Variants in AUTS2 observed in about 807,000 individuals in gnomAD.
The protein encoded by AUTS2 is activator of transcription and developmental regulator AUTS2, also known as autism susceptibility gene 2 protein.
A neutral mutation model predicts 112.4 loss-of-function variants in AUTS2; 17 were observed. The observed-to-expected ratio is 0.15, with a 90% CI of 0.10 to 0.23. AUTS2 has a LOEUF of 0.23. Among genes scored for constraint, AUTS2 ranks in the 10% least tolerant of loss-of-function variants. The probability of loss-of-function intolerance (pLI) is 1.00; values close to 1 mark genes in which losing one functional copy is unlikely to be tolerated. For missense variants in AUTS2, 1,510 were observed against 1,701.6 expected, an observed-to-expected ratio of 0.89 and a Z score of 1.98; for synonymous variants, 751 against 702.7, an observed-to-expected ratio of 1.07 and a Z score of -1.09.
chr7:70,751,374 A>G (rs1031649932), intron 6 of AUTS2, among the ~76,000 whole-genome samples: 1 of 152,218 alleles, frequency 6.6e-6, no homozygotes, highest in African/African-American at 2.4e-5. Flanking sequence ...TCTTTATTTT[A>G]TTCAACTTAA....
intron 2 of AUTS2, among the ~76,000 whole-genome samples, chr7:69,982,948 A>G (rs1798356688): frequency 2.0e-5 from 3 of 152,206 alleles, no homozygotes; most frequent in African/African-American, 7.2e-5. Flanking sequence ...AGAGCCATTT[A>G]GTTCAATCCC....
At chr7:70,422,340 G>C (rs1238217760) in intron 4 of AUTS2, among the ~76,000 whole-genome samples, 1 of 152,204 alleles carries the variant, frequency 6.6e-6, no homozygotes, top group Non-Finnish European at 1.5e-5. Context: ...AGTTGCTCTA[G>C]TTGGCTTGAA....
rs1320795084 is a variant in AUTS2 at position 70,355,915 on chromosome 7, G to A, written c.661-79837G>A. Among the ~76,000 whole-genome samples, 3 of 152,062 alleles carry A rather than the reference G, an allele frequency of 2.0e-5. No homozygotes were observed. The East Asian group carries it at 5.8e-4, about 29-fold the overall frequency. The stretch of plus-strand genomic sequence containing the variant: ...ATCTGTACAAAGGTTCCTTGTAATC[G>A]GGCTTTCTGCCTTCATTTGTCTTCT... On this transcript the variant is annotated intron_variant, in intron 4 of 18. Transcript: ENST00000342771.
chr7:69,773,273 C>G (rs780807037), intron 1 of AUTS2, among the ~76,000 whole-genome samples: 2 of 152,096 alleles, frequency 1.3e-5, no homozygotes, highest in Non-Finnish European at 2.9e-5. Flanking sequence ...AATCCCAGCA[C>G]TGTGGGAGGC....
At chr7:70,370,686 G>T (rs183474713) in intron 4 of AUTS2, among the ~76,000 whole-genome samples, 174 of 152,150 alleles carry the variant, frequency 1.1e-3, no homozygotes, top group African/African-American at 3.9e-3. Context: ...ATTTCTCTTA[G>T]ACATATACAC....
intron 2 of AUTS2, among the ~76,000 whole-genome samples, chr7:70,030,260 G>A (rs1379755525): frequency 6.6e-6 from 1 of 152,176 alleles, no homozygotes; most frequent in African/African-American, 2.4e-5. Context: ...TACAATGAAT[G>A]TGATACAGCA....
At chr7:70,373,153 G>C (rs904187247) in intron 4 of AUTS2, among the ~76,000 whole-genome samples, 15 of 151,974 alleles carry the variant, frequency 9.9e-5, no homozygotes, top group South Asian at 4.2e-4. Flanking sequence ...GAGAAACCAG[G>C]GGGGAGTGGG....
At chr7:70,168,198 C>T (rs369489747) in intron 4 of AUTS2, among the ~76,000 whole-genome samples, 5 of 152,150 alleles carry the variant, frequency 3.3e-5, no homozygotes, top group African/African-American at 1.2e-4. Flanking sequence ...TAATTGAACT[C>T]GTTGATCTTC....
At chr7:70,564,884 G>C (rs906944197) in intron 5 of AUTS2, among the ~76,000 whole-genome samples, 1 of 152,150 alleles carries the variant, frequency 6.6e-6, no homozygotes, top group Non-Finnish European at 1.5e-5. Context: ...TGGATCACAA[G>C]GTCAGGAGTT....
At chr7:70,540,074 C>A (rs1333359508) in intron 5 of AUTS2, among the ~76,000 whole-genome samples, 1 of 152,132 alleles carries the variant, frequency 6.6e-6, no homozygotes, top group Non-Finnish European at 1.5e-5. Context: ...TTCACTTAGA[C>A]CATAGCCTCA....
intron 4 of AUTS2, among the ~76,000 whole-genome samples, chr7:70,425,711 G>A (rs1312624651): frequency 1.3e-5 from 2 of 152,172 alleles, no homozygotes; most frequent in African/African-American, 4.8e-5. Flanking sequence ...TGTTAAATTA[G>A]CAAAGAATTT....
chr7:69,758,395 G>A (rs1183369720), intron 1 of AUTS2, among the ~76,000 whole-genome samples: 2 of 152,068 alleles, frequency 1.3e-5, no homozygotes, highest in African/African-American at 2.4e-5. Flanking sequence ...TTACTTTCTG[G>A]CTTAGGCTTA....
chr7:70,335,072 G>A (rs1391771387), intron 4 of AUTS2, among the ~76,000 whole-genome samples: 2 of 152,124 alleles, frequency 1.3e-5, no homozygotes, highest in African/African-American at 2.4e-5. Context: ...CTGTTGAGGC[G>A]TCTCAGAATT....
At chr7:70,110,109 G>A (rs1804988297) in intron 2 of AUTS2, among the ~76,000 whole-genome samples, 1 of 152,178 alleles carries the variant, frequency 6.6e-6, no homozygotes, top group Non-Finnish European at 1.5e-5. Context: ...TGGATTGAGC[G>A]TGTCTATAGT....
At chr7:69,837,193 A>G (rs1053927387) in intron 1 of AUTS2, among the ~76,000 whole-genome samples, 1 of 152,212 alleles carries the variant, frequency 6.6e-6, no homozygotes, top group Non-Finnish European at 1.5e-5. Flanking sequence ...AGAGATTATT[A>G]TGAGGATTCT....
chr7:70,090,016 A>ATAAG (rs1803826687), intron 2 of AUTS2, among the ~76,000 whole-genome samples: 1 of 148,854 alleles, frequency 6.7e-6, no homozygotes, highest in Admixed American at 6.9e-5. Flanking sequence ...AAACAAATAA[A>ATAAG]TAAATAAATA....
At chr7:70,107,507 C>A (rs1244744941) in intron 2 of AUTS2, among the ~76,000 whole-genome samples, 4 of 150,516 alleles carry the variant, frequency 2.7e-5, no homozygotes, top group African/African-American at 9.7e-5. Context: ...CCATGCCCAG[C>A]TAATTTTTGT....
rs1052394942 is a variant in AUTS2 at position 69,974,877 on chromosome 7, G to A, written c.522+75379G>A. Among the ~76,000 whole-genome samples, 3 of 151,962 alleles carry A rather than the reference G, an allele frequency of 2.0e-5. No homozygotes were observed. In the East Asian group the frequency reaches 5.8e-4, roughly 29 times the overall value. ...GCCTATATTGTTTTATTTAAAGAGA[G>A]TTTCTTATGGATAGCATAGAGTTGA... On this transcript the variant is annotated intron_variant, in intron 2 of 18. Transcript: ENST00000342771.
At chr7:70,348,985 A>G (rs1032680970) in intron 4 of AUTS2, among the ~76,000 whole-genome samples, 1 of 152,256 alleles carries the variant, frequency 6.6e-6, no homozygotes, top group African/African-American at 2.4e-5. Context: ...AACTTTTTTA[A>G]ATAACAAAAA....
Sources: allele counts gnomAD v4.1 joint callset (sites outside exome capture counted in the v4.1 genomes callset), GRCh38; gene constraint gnomAD v4.1.1; transcripts MANE v1.5; gene names NCBI Gene and HGNC (gene_info 2026-07-23, HGNC 2026-07-21).